Variants in LURAP1L observed in about 807,000 individuals in gnomAD.
LURAP1L encodes the protein leucine rich adaptor protein 1-like.
In LURAP1L, 12 loss-of-function variants were observed where a neutral mutation model predicts 13.8. The observed-to-expected ratio is 0.87, with a 90% confidence interval of 0.56 to 1.41. The LOEUF is 1.41. LURAP1L is among the 40% of genes most tolerant of loss of function. The pLI is 0.00. For missense variants in LURAP1L, 375 were observed against 292.9 expected (o/e 1.28, Z -2.04); for synonymous variants, 139 against 119.2 (o/e 1.17, Z -1.08).
At chr9:12,798,203 G>C (rs372896176) in intron 1 of LURAP1L, among the ~76,000 whole-genome samples, 1 of 152,092 alleles carries the variant, frequency 6.6e-6, no homozygotes, top group African/African-American at 2.4e-5. Context: ...AATAAAACTT[G>C]GTATTACAAA....
At chr9:12,808,534 G>A (rs62538762) in intron 1 of LURAP1L, among the ~76,000 whole-genome samples, 1 of 151,642 alleles carries the variant, frequency 6.6e-6, no homozygotes, top group East Asian at 1.9e-4. Context: ...TTTTTTTTAA[G>A]ACGGGATAAA....
rs1289605967 is a variant in LURAP1L at position 12,810,887 on chromosome 9, CAA to C, written c.313-10496_313-10495del. Among the ~76,000 whole-genome samples the C allele has an allele frequency of 2.7e-5, 4 of 148,550 alleles. No individual in the cohort carries two copies. In the East Asian group the frequency reaches 7.7e-4, roughly 29 times the overall value. ...CAGTGTTTAGACACCACATGAAAAA[CAA>C]AACAAAACAAAACTGATCTTAAGCA... On this transcript the variant is annotated intron_variant, in intron 1 of 1. Coordinates refer to ENST00000319264, the MANE Select transcript of LURAP1L (RefSeq NM_203403.2).
intron 1 of LURAP1L, among the ~76,000 whole-genome samples, chr9:12,817,767 C>T (rs578073293): frequency 9.2e-5 from 14 of 152,240 alleles, no homozygotes; most frequent in South Asian, 2.1e-4. Flanking sequence ...TGAGGAAAGG[C>T]GGGGCAGCTA....
intron 1 of LURAP1L, among the ~76,000 whole-genome samples, chr9:12,789,039 G>T (rs901625599): frequency 2.0e-5 from 3 of 150,714 alleles, no homozygotes; most frequent in South Asian, 4.2e-4. Flanking sequence ...TGCATTCCAG[G>T]TTAGATGCTG....
chr9:12,786,582 A>ATATAT (rs55704493), intron 1 of LURAP1L, among the ~76,000 whole-genome samples: 23 of 113,560 alleles, frequency 2.0e-4, no homozygotes, highest in South Asian at 3.6e-4. Context: ...ATATATATAT[A>ATATAT]AACCCTTGTG....
At chr9:12,786,547 C>CTATATAT (rs1554657226) in intron 1 of LURAP1L, among the ~76,000 whole-genome samples, 1,813 of 52,982 alleles carry the variant, frequency 0.034, 61 homozygotes, top group Non-Finnish European at 0.046. Flanking sequence ...ATATATATGA[C>CTATATAT]ATATATATAT....
chr9:12,797,693 C>G (rs1819527287), intron 1 of LURAP1L, among the ~76,000 whole-genome samples: 1 of 151,982 alleles, frequency 6.6e-6, no homozygotes, highest in Admixed American at 6.6e-5. Flanking sequence ...AGAAAGTTCT[C>G]TAAGGATTTT....
rs543539984 is a variant in LURAP1L, at chr9:12,777,256, G to A, written c.312+1229G>A. On this transcript the variant is annotated intron_variant, in intron 1 of 1. Transcript: ENST00000319264. ...TACATAATGGAGAAGCTGGAAAGTG[G>A]AAGTCATCTTGATGAGTTTGCAAAA... The A allele has an allele frequency of 1.0e-5, 10 of 985,320 alleles. No homozygotes were observed. In the East Asian group the frequency reaches 1.0e-3, roughly 101 times the overall value. 61.0% of individuals were successfully genotyped at this position (985,320 alleles called of 1,614,324 possible).
intron 1 of LURAP1L, among the ~76,000 whole-genome samples, chr9:12,818,835 T>G (rs1260720215): frequency 3.9e-5 from 6 of 152,262 alleles, no homozygotes; most frequent in Non-Finnish European, 8.8e-5. Flanking sequence ...TATTGGGAAA[T>G]GGTCAGATTG....
At chr9:12,821,260 C>T in intron 1 of LURAP1L, 126 bp from the exon 2 acceptor site, 1 of 1,122,432 alleles carries the variant, frequency 8.9e-7, no homozygotes, top group East Asian at 2.4e-5. Context: ...TCCTGACAAC[C>T]AGTCCACTTA....
chr9:12,817,959 G>T (rs944837911), intron 1 of LURAP1L, among the ~76,000 whole-genome samples: 4 of 152,048 alleles, frequency 2.6e-5, no homozygotes, highest in African/African-American at 9.7e-5. Context: ...GAACTGACGT[G>T]CCCAGCGCTC....
intron 1 of LURAP1L, among the ~76,000 whole-genome samples, chr9:12,819,348 A>G (rs180762725): frequency 6.6e-6 from 1 of 152,302 alleles, no homozygotes; most frequent in Admixed American, 6.5e-5. Context: ...AACCTGTACA[A>G]TCTTGCATCT....
intron 1 of LURAP1L, among the ~76,000 whole-genome samples, chr9:12,791,616 T>A (rs999482752): frequency 3.3e-5 from 5 of 151,746 alleles, no homozygotes; most frequent in African/African-American, 9.7e-5. Context: ...AAACATTTTA[T>A]ATTGACCTTT....
chr9:12,821,347 A>C (rs1201919236), intron 1 of LURAP1L, 39 bp from the exon 2 acceptor site: 1 of 1,583,466 alleles, frequency 6.3e-7, no homozygotes, highest in Non-Finnish European at 8.6e-7. Flanking sequence ...TCGAGAGTGT[A>C]AAATGGCTGG....
At chr9:12,782,507 G>A (rs188685598) in intron 1 of LURAP1L, among the ~76,000 whole-genome samples, 23 of 152,252 alleles carry the variant, frequency 1.5e-4, no homozygotes, top group Non-Finnish European at 1.3e-4. Flanking sequence ...CTTTTCTCCA[G>A]TGTATGTTCT....
rs552090919 is a variant in LURAP1L, at chr9:12,790,721, A to G, written c.312+14694A>G. On this transcript the variant is annotated intron_variant, in intron 1 of 1. Transcript: ENST00000319264. ...AACCATTGTTCTCAGAGTTGTCGGA[A>G]GAGTAGAGAAATGAAAGGCAGTAGT... The G allele has an allele frequency of 3.7e-4, 57 of 152,020 alleles. 1 individual carries two copies. Among genetic ancestry groups the G allele is most frequent in the Admixed American group, 2.8e-3 (42 of 15,258 alleles). 9.4% of individuals were successfully genotyped at this position (152,020 alleles called of 1,614,324 possible). A position where few individuals can be genotyped will look rare whatever the true frequency, so the allele number is the denominator to read the frequency against.
At chr9:12,788,020 G>A (rs1458383103) in intron 1 of LURAP1L, among the ~76,000 whole-genome samples, 1 of 151,928 alleles carries the variant, frequency 6.6e-6, no homozygotes, top group East Asian at 1.9e-4. Context: ...GCTGAAGCAG[G>A]AGAATTGCAT....
chr9:12,812,247 A>G (rs918151796), intron 1 of LURAP1L, among the ~76,000 whole-genome samples: 12 of 152,174 alleles, frequency 7.9e-5, no homozygotes, highest in African/African-American at 2.9e-4. Context: ...TTATTGGGAG[A>G]TATCTTTGAG....
intron 1 of LURAP1L, among the ~76,000 whole-genome samples, chr9:12,801,292 T>G (rs1400445370): frequency 6.6e-6 from 1 of 151,152 alleles, no homozygotes; most frequent in East Asian, 1.9e-4. Flanking sequence ...AGCATTAGGA[T>G]ATTATGTTAA....
Sources: allele counts gnomAD v4.1 joint callset (sites outside exome capture counted in the v4.1 genomes callset), GRCh38; gene constraint gnomAD v4.1.1; transcripts MANE v1.5; gene names NCBI Gene and HGNC (gene_info 2026-07-23, HGNC 2026-07-21).